TINAG: variants seen among roughly 807,000 people sequenced by gnomAD.
TINAG encodes the protein tubulointerstitial nephritis antigen.
A neutral mutation model predicts 72.7 loss-of-function variants in TINAG; 83 were observed. The ratio of observed to expected loss-of-function variants is 1.14; its 90% CI spans 0.96 to 1.37. The LOEUF (loss-of-function observed/expected upper bound fraction) is 1.37. Ranked by LOEUF, TINAG falls within the 40% of genes most tolerant of loss-of-function variation. The pLI is 0.00. For missense variants in TINAG, 685 were observed against 576.6 expected (o/e 1.19, Z -1.93); for synonymous variants, 234 against 189.9 (o/e 1.23, Z -1.91).
chr6:54,324,129 T>A (rs907283415), intron 3 of TINAG, among the ~76,000 whole-genome samples: 4 of 152,174 alleles, frequency 2.6e-5, no homozygotes, highest in Non-Finnish European at 4.4e-5. Context: ...GATATATAAG[T>A]GTTTCAATTA....
rs905717766 is a variant in TINAG at position 54,390,069 on chromosome 6, G to T, written c.*144G>T. ...ATCTATTTTCTTATTTTCCCCTCTGGTCTATGCTTCTGCTTCCTTCATATT... is the reference window on the plus strand; with the variant it reads ...ATCTATTTTCTTATTTTCCCCTCTGTTCTATGCTTCTGCTTCCTTCATATT... On this transcript the variant is annotated 3_prime_UTR_variant, in exon 11 of 11. Coordinates refer to ENST00000259782, the MANE Select transcript of TINAG (RefSeq NM_014464.4). The T allele has an allele frequency of 4.4e-6, 5 of 1,136,560 alleles. No individual in the cohort carries two copies. The highest frequency in any genetic ancestry group is 6.1e-6 in the Non-Finnish European group (5 of 817,500). The allele number at this position is 1,136,560 out of a possible 1,614,324, so 70.4% of individuals were successfully genotyped here.
At chr6:54,322,734 TGTGA>T (rs1159743585) in intron 3 of TINAG, among the ~76,000 whole-genome samples, 1 of 152,210 alleles carries the variant, frequency 6.6e-6, no homozygotes, top group Non-Finnish European at 1.5e-5. Context: ...TCTGTGTGTT[TGTGA>T]GTGTGTGTGT....
chr6:54,321,216 T>TAAC, intron 2 of TINAG, 81 bp from the exon 3 acceptor site: 1 of 1,046,970 alleles, frequency 9.6e-7, no homozygotes, highest in Non-Finnish European at 1.5e-6. Context: ...TTTTATGCCT[T>TAAC]AACAATGTAT....
intron 1 of TINAG, among the ~76,000 whole-genome samples, chr6:54,315,687 A>G (rs537365994): frequency 0.016 from 1,201 of 76,330 alleles, 11 homozygotes; most frequent in Non-Finnish European, 0.033. Flanking sequence ...AGTAAAAAAA[A>G]AAAAGTAAAA....
At chr6:54,341,150 A>G (rs1436061274) in intron 4 of TINAG, among the ~76,000 whole-genome samples, 1 of 152,122 alleles carries the variant, frequency 6.6e-6, no homozygotes, top group African/African-American at 2.4e-5. Context: ...ACACTCCACT[A>G]TTTTTCTGAA....
At chr6:54,354,806 G>GGCT (rs1303806719) in intron 9 of TINAG, among the ~76,000 whole-genome samples, 170 bp downstream of exon 9, 2 of 151,810 alleles carry the variant, frequency 1.3e-5, no homozygotes, top group African/African-American at 4.8e-5. Flanking sequence ...TCCAGTAAAA[G>GGCT]GCTAACTCAG....
At chr6:54,384,592 T>G (rs747153002) in intron 10 of TINAG, among the ~76,000 whole-genome samples, 2 of 152,110 alleles carry the variant, frequency 1.3e-5, no homozygotes, top group Non-Finnish European at 2.9e-5. Flanking sequence ...ATAATAATAT[T>G]GATAATGATG....
At chr6:54,354,784 A>G in intron 9 of TINAG, 148 bp downstream of exon 9, 2 of 936,834 alleles carry the variant, frequency 2.1e-6, no homozygotes, top group Non-Finnish European at 3.1e-6. Context: ...CTATTTAGTC[A>G]TTATTTTAAA....
At chr6:54,314,972 A>C (rs3777657) in intron 1 of TINAG, among the ~76,000 whole-genome samples, 1 of 151,992 alleles carries the variant, frequency 6.6e-6, no homozygotes, top group African/African-American at 2.4e-5. Context: ...CATACAGATA[A>C]TTTTTTTTCT....
intron 7 of TINAG, 104 bp downstream of exon 7, chr6:54,350,000 A>C: frequency 1.5e-6 from 1 of 684,928 alleles, no homozygotes; most frequent in Non-Finnish European, 2.0e-6. Flanking sequence ...ATTATATTCT[A>C]AAATAAATAT....
chr6:54,339,441 A>G (rs1784945824), intron 4 of TINAG, among the ~76,000 whole-genome samples: 1 of 152,172 alleles, frequency 6.6e-6, no homozygotes, highest in Non-Finnish European at 1.5e-5. Flanking sequence ...AGATCAAGAC[A>G]AAGGAGTAAA....
intron 4 of TINAG, among the ~76,000 whole-genome samples, chr6:54,342,073 G>C (rs866420977): frequency 6.6e-6 from 1 of 152,074 alleles, no homozygotes; most frequent in African/African-American, 2.4e-5. Flanking sequence ...GTGTGTGTGT[G>C]TGTGTGTGTG....
chr6:54,316,279 C>T (rs1784370818), intron 1 of TINAG, among the ~76,000 whole-genome samples: 1 of 152,102 alleles, frequency 6.6e-6, no homozygotes, highest in South Asian at 2.1e-4. Flanking sequence ...TACATCTAAG[C>T]TATGGGATAC....
chr6:54,373,094 G>A (rs1763681301), intron 9 of TINAG, among the ~76,000 whole-genome samples: 1 of 151,998 alleles, frequency 6.6e-6, no homozygotes, highest in Non-Finnish European at 1.5e-5. Flanking sequence ...TGTAACAATT[G>A]TGTTCATTAC....
At chr6:54,354,122 G>C (rs565323621) in intron 8 of TINAG, among the ~76,000 whole-genome samples, 1 of 151,930 alleles carries the variant, frequency 6.6e-6, no homozygotes, top group East Asian at 1.9e-4. Context: ...AGCTCAGTTT[G>C]CTAGGCTCTG....
chr6:54,390,130 G>T lies in TINAG; in HGVS notation c.*205G>T, dbSNP rs115645370. The T allele has an allele frequency of 2.9e-3, 1,757 of 597,490 alleles. 20 individuals are homozygous for T. The highest frequency in any genetic ancestry group is 0.025 in the African/African-American group (1,292 of 50,778). 37.0% of individuals were successfully genotyped at this position (597,490 alleles called of 1,614,324 possible). On this transcript the variant is annotated 3_prime_UTR_variant, in exon 11 of 11. Transcript: ENST00000259782. Reference sequence around the variant, plus strand: ...AACAACACCAATAAAGGACAGCAGAGTCCCTAAATGTCTTTAAAGTTCCCA... The same window carrying T: ...AACAACACCAATAAAGGACAGCAGATTCCCTAAATGTCTTTAAAGTTCCCA...
chr6:54,355,431 ATTG>A (rs1763003804), intron 9 of TINAG, among the ~76,000 whole-genome samples: 4 of 151,838 alleles, frequency 2.6e-5, no homozygotes, highest in Admixed American at 2.6e-4. Flanking sequence ...CTACAATCAA[ATTG>A]TTGTCTTCTC....
intron 3 of TINAG, among the ~76,000 whole-genome samples, chr6:54,323,568 C>T (rs1784539362): frequency 6.6e-6 from 1 of 152,184 alleles, no homozygotes; most frequent in Non-Finnish European, 1.5e-5. Context: ...TAATGTACTT[C>T]AGTGCTTATT....
intron 9 of TINAG, among the ~76,000 whole-genome samples, chr6:54,367,927 C>A (rs1202665686): frequency 6.6e-6 from 1 of 151,676 alleles, no homozygotes; most frequent in East Asian, 1.9e-4. Context: ...CACAGGGGAG[C>A]TCTCTATGGT....
Sources: gnomAD v4.1 joint callset for allele counts (sites outside exome capture counted in the v4.1 genomes callset) on GRCh38, gnomAD v4.1.1 for gene constraint, MANE v1.5 for transcripts, NCBI Gene and HGNC (gene_info 2026-07-23, HGNC 2026-07-21) for gene names.